Variants in SNX25 observed in about 807,000 individuals in gnomAD.
SNX25 encodes the protein sorting nexin-25.
Under a neutral mutation model 113.7 loss-of-function variants are expected in SNX25, and 62 were observed. The observed-to-expected ratio is 0.55, with a 90% CI of 0.44 to 0.67. The LOEUF is 0.67. Among genes scored for constraint, SNX25 ranks in the 30% least tolerant of loss-of-function variants. The pLI, the probability that SNX25 is intolerant of heterozygous loss-of-function variation, is 0.00. For synonymous variants in SNX25, 421 were observed against 436.2 expected, an observed-to-expected ratio of 0.97 and a Z score of 0.43; for missense variants, 1,014 against 1,161.0, an observed-to-expected ratio of 0.87 and a Z score of 1.84.
intron 1 of SNX25, among the ~76,000 whole-genome samples, chr4:185,246,366 A>G (rs1489540658): frequency 6.6e-6 from 1 of 152,194 alleles, no homozygotes; most frequent in Non-Finnish European, 1.5e-5. Flanking sequence ...TTCCCCCAAC[A>G]ATATATGAAA....
chr4:185,236,023 C>T (rs113885378), intron 1 of SNX25, among the ~76,000 whole-genome samples: 1 of 152,156 alleles, frequency 6.6e-6, no homozygotes, highest in Admixed American at 6.5e-5. Flanking sequence ...TTGTTGTCCC[C>T]CCTTGCAGGG....
intron 1 of SNX25, among the ~76,000 whole-genome samples, chr4:185,237,722 C>T (rs1403204460): frequency 1.3e-5 from 2 of 151,332 alleles, no homozygotes; most frequent in East Asian, 1.9e-4. Context: ...TTGGAGATAT[C>T]GTCCAAAATT....
intron 5 of SNX25, among the ~76,000 whole-genome samples, chr4:185,282,244 C>T (rs1199314706): frequency 2.0e-5 from 3 of 152,138 alleles, no homozygotes; most frequent in East Asian, 1.9e-4. Flanking sequence ...TCACTGCAAC[C>T]TCCACCTCCC....
rs565948734 is a variant in SNX25, at chr4:185,337,138, C to A, written c.1915-2241C>A. On this transcript the variant is annotated intron_variant, in intron 10 of 18. Transcript: ENST00000652585. Reference sequence around the variant, plus strand: ...TGTCTGTTATTTCTGCTGATTATTTCTTTTGCTGTGCAGTAGCATTTTAGT... The same window carrying A: ...TGTCTGTTATTTCTGCTGATTATTTATTTTGCTGTGCAGTAGCATTTTAGT... 9.9e-5 allele frequency among the ~76,000 whole-genome samples: 15 copies of A among 152,136 alleles called. No homozygotes were observed. The South Asian group carries it at 2.7e-3, about 27-fold the overall frequency.
intron 1 of SNX25, among the ~76,000 whole-genome samples, chr4:185,213,896 C>T (rs1738338775): frequency 6.6e-6 from 1 of 151,058 alleles, no homozygotes; most frequent in Admixed American, 6.6e-5. Context: ...TAGTCTAATA[C>T]AGATTTTTCT....
intron 1 of SNX25, among the ~76,000 whole-genome samples, chr4:185,236,233 C>T (rs886856318): frequency 4.6e-5 from 7 of 152,142 alleles, no homozygotes; most frequent in Non-Finnish European, 8.8e-5. Context: ...TTGCATCTTT[C>T]CCTATAACTT....
intron 5 of SNX25, among the ~76,000 whole-genome samples, chr4:185,281,669 A>C (rs2126592090): frequency 6.6e-6 from 1 of 152,298 alleles, no homozygotes; most frequent in Non-Finnish European, 1.5e-5. Context: ...CTATAACTGA[A>C]GTCCCTCTAA....
chr4:185,241,214 G>A (rs1397663078), intron 1 of SNX25, among the ~76,000 whole-genome samples: 12 of 152,182 alleles, frequency 7.9e-5, no homozygotes, highest in African/African-American at 2.7e-4. Flanking sequence ...ACGCGACTCC[G>A]TCTGCCATCC....
chr4:185,242,186 T>C (rs1744156957), intron 1 of SNX25, among the ~76,000 whole-genome samples: 1 of 152,214 alleles, frequency 6.6e-6, no homozygotes, highest in Non-Finnish European at 1.5e-5. Flanking sequence ...AACTTTTTCC[T>C]CTACTTTCAT....
At chr4:185,248,619 C>G (rs1745188760) in intron 2 of SNX25, among the ~76,000 whole-genome samples, 1 of 152,030 alleles carries the variant, frequency 6.6e-6, no homozygotes, top group African/African-American at 2.4e-5. Context: ...CACCACCGCA[C>G]TCCAGCCTGG....
intron 1 of SNX25, among the ~76,000 whole-genome samples, chr4:185,244,989 A>G (rs180839790): frequency 2.8e-4 from 42 of 152,202 alleles, no homozygotes; most frequent in Admixed American, 4.6e-4. Context: ...GGGCTGTGGG[A>G]TTGATTGCAT....
intron 5 of SNX25, among the ~76,000 whole-genome samples, chr4:185,270,754 C>T (rs1159485317): frequency 6.6e-6 from 1 of 152,218 alleles, no homozygotes; most frequent in Non-Finnish European, 1.5e-5. Flanking sequence ...CTAGTCTGGA[C>T]ATTTCATGTA....
intron 10 of SNX25, among the ~76,000 whole-genome samples, chr4:185,336,676 C>T (rs1413562243): frequency 6.6e-6 from 1 of 152,092 alleles, no homozygotes; most frequent in Non-Finnish European, 1.5e-5. Flanking sequence ...CTGAGTAGAT[C>T]CCTAGTAGTG....
At chr4:185,259,595 G>A (rs902859172) in intron 3 of SNX25, among the ~76,000 whole-genome samples, 24 of 152,162 alleles carry the variant, frequency 1.6e-4, no homozygotes, top group African/African-American at 5.5e-4. Context: ...TGTTACATAC[G>A]TGACAGTTGT....
intron 10 of SNX25, among the ~76,000 whole-genome samples, chr4:185,338,136 G>A (rs62345570): frequency 6.6e-6 from 1 of 152,142 alleles, no homozygotes; most frequent in Non-Finnish European, 1.5e-5. Context: ...TATATCAATA[G>A]TGTTCTTTGA....
intron 1 of SNX25, among the ~76,000 whole-genome samples, chr4:185,240,967 G>A (rs1266009072): frequency 6.7e-6 from 1 of 150,344 alleles, no homozygotes; most frequent in Non-Finnish European, 1.5e-5. Flanking sequence ...GATGGCGGCC[G>A]GGCAGAGACG....
At chr4:185,297,427 C>T (rs1444402889) in intron 6 of SNX25, among the ~76,000 whole-genome samples, 3 of 152,206 alleles carry the variant, frequency 2.0e-5, no homozygotes, top group African/African-American at 4.8e-5. Context: ...TCTACTTAAT[C>T]TCTGCCATCT....
At chr4:185,241,776 T>G (rs1744095270) in intron 1 of SNX25, among the ~76,000 whole-genome samples, 1 of 152,150 alleles carries the variant, frequency 6.6e-6, no homozygotes. Flanking sequence ...CGTATTTTTC[T>G]TTCATCTTTC....
At chr4:185,242,595 G>A (rs572213962) in intron 1 of SNX25, among the ~76,000 whole-genome samples, 30 of 152,320 alleles carry the variant, frequency 2.0e-4, no homozygotes, top group African/African-American at 6.7e-4. Flanking sequence ...GGAGGGGTGC[G>A]GAGCTTTCAT....
Sources: allele counts gnomAD v4.1 joint callset (sites outside exome capture counted in the v4.1 genomes callset), GRCh38; gene constraint gnomAD v4.1.1; transcripts MANE v1.5; gene names NCBI Gene and HGNC (gene_info 2026-07-23, HGNC 2026-07-21).